The following BEND4 variants were observed in gnomAD, a reference collection of about 807,000 sequenced individuals.
BEND4 encodes the protein BEN domain containing 4.
In BEND4, 27 loss-of-function variants were observed where a neutral mutation model predicts 54.7. That is an observed-to-expected ratio of 0.49 (90% CI 0.36 to 0.68). BEND4 has a LOEUF of 0.68. BEND4 is among the 30% of genes least tolerant of loss of function. The pLI is 0.00. For missense variants in BEND4, 702 were observed against 697.2 expected (o/e 1.01, Z -0.08); for synonymous variants, 327 against 299.5 (o/e 1.09, Z -0.95).
rs774751620 is a variant in BEND4, at chr4:42,151,704, C to T, written c.440G>A (p.Gly147Asp). 8.1e-5 allele frequency: 121 copies of T among 1,502,364 alleles called. No homozygotes were observed. The highest frequency in any genetic ancestry group is 1.8e-4 in the African/African-American group (12 of 68,356). 93.1% of individuals were successfully genotyped at this position (1,502,364 alleles called of 1,614,324 possible). Residue 147 changes from glycine to aspartate, a missense_variant, in exon 2 of 6, where the codon GGC becomes GAC. Transcript: ENST00000502486. ...GCTGTCGCTACCCGTGCCGCCGGTG[C>T]CGGCGGCCGCCGCCGCGCCTGGGCC... is the stretch of plus-strand genomic sequence containing the variant. ...RYGPGAAAAA[G>D]TGGTGSDSAS...
At chr4:42,130,897 A>T (rs1351035478) in intron 3 of BEND4, among the ~76,000 whole-genome samples, 1 of 66,990 alleles carries the variant, frequency 1.5e-5, no homozygotes, top group Non-Finnish European at 2.6e-5. Flanking sequence ...AAAGGAAACG[A>T]GAGATCATGG....
intron 3 of BEND4, among the ~76,000 whole-genome samples, chr4:42,134,530 T>C (rs1182609620): frequency 6.6e-6 from 1 of 152,254 alleles, no homozygotes; most frequent in Non-Finnish European, 1.5e-5. Flanking sequence ...TGTTACAACA[T>C]GCCTAACAGT....
intron 3 of BEND4, among the ~76,000 whole-genome samples, chr4:42,129,520 A>G (rs760685678): frequency 1.1e-4 from 17 of 152,226 alleles, no homozygotes; most frequent in Non-Finnish European, 1.6e-4. Flanking sequence ...GCAAAACAGC[A>G]TGCTACTGGT....
At chr4:42,140,860 G>A (rs1720856028) in intron 3 of BEND4, among the ~76,000 whole-genome samples, 1 of 152,208 alleles carries the variant, frequency 6.6e-6, no homozygotes, top group African/African-American at 2.4e-5. Flanking sequence ...GGCTCCTTTG[G>A]TTATGGTTCT....
Position 42,111,948 on chromosome 4 carries a change from G to T in BEND4, c.*5570C>A, listed in dbSNP as rs1195934310. On this transcript the variant is annotated 3_prime_UTR_variant, in exon 6 of 6. Transcript: ENST00000502486. Reference sequence around the variant, plus strand: ...AAAAAGTTTTCTGGTCTTCATCATAGGATCTTACGTAGGTCAAGCCTTATA... The same window carrying T: ...AAAAAGTTTTCTGGTCTTCATCATATGATCTTACGTAGGTCAAGCCTTATA... 1 of 152,090 alleles carries T rather than the reference G, an allele frequency of 6.6e-6. No homozygotes were observed. Among genetic ancestry groups the T allele is most frequent in the Admixed American group, 6.6e-5 (1 of 15,264 alleles). 9.4% of individuals were successfully genotyped at this position (152,090 alleles called of 1,614,324 possible).
In BEND4 at chr4:42,113,372, G is replaced by A. The variant is rs575803836; in HGVS notation, c.*4146C>T. 1.3e-5 allele frequency: 2 copies of A among 152,324 alleles called. No individual in the cohort carries two copies. The highest frequency in any genetic ancestry group is 2.1e-4 in the South Asian group (1 of 4,820). The allele number at this position is 152,324 out of a possible 1,614,324, so 9.4% of individuals were successfully genotyped here. ...AGGTAGTCAATGGGTATTAGGTTTA[G>A]GTTCTAGAGCATAAATTGAAGGATG... is the stretch of plus-strand genomic sequence containing the variant. On this transcript the variant is annotated 3_prime_UTR_variant, in exon 6 of 6. Coordinates refer to ENST00000502486, the MANE Select transcript of BEND4 (RefSeq NM_207406.4).
In BEND4 at chr4:42,125,594, G is replaced by C. The variant is rs1720243103; in HGVS notation, c.1135C>G (p.Gln379Glu). The C allele has an allele frequency of 6.2e-7, 1 of 1,613,122 alleles. No individual in the cohort carries two copies. Residue 379 changes from glutamine (Q) to glutamate (E), a missense_variant, in exon 4 of 6, where the codon CAG (glutamine) becomes GAG (glutamate). Coordinates refer to ENST00000502486, the MANE Select transcript of BEND4 (RefSeq NM_207406.4). ...NQLLIPQPAD[Q>E]PTEGSKQLLN... Reference sequence around the variant, plus strand: ...TACCAGAGACCTACCTCTGTCGGCTGGTCAGCTGGCTGTGGTATCAGGAGT... The same window carrying C: ...TACCAGAGACCTACCTCTGTCGGCTCGTCAGCTGGCTGTGGTATCAGGAGT...
At chr4:42,134,051 G>A (rs2153146200) in intron 3 of BEND4, among the ~76,000 whole-genome samples, 1 of 152,332 alleles carries the variant, frequency 6.6e-6, no homozygotes, top group South Asian at 2.1e-4. Flanking sequence ...GTGCTGTCTT[G>A]TATGAGCAGC....
intron 2 of BEND4, 34 bp from the exon 3 acceptor site, chr4:42,144,028 C>A (rs1428656737): frequency 6.8e-7 from 1 of 1,467,026 alleles, no homozygotes; most frequent in South Asian, 1.2e-5. Flanking sequence ...CAGTGACCAA[C>A]AGCCAACGGC....
chr4:42,147,688 G>A (rs1487945900), intron 2 of BEND4, among the ~76,000 whole-genome samples: 1 of 151,926 alleles, frequency 6.6e-6, no homozygotes, highest in African/African-American at 2.4e-5. Flanking sequence ...GCAGCCTACT[G>A]GGAGATAATA....
At position 42,151,899 on chromosome 4, in the gene BEND4, G is replaced by A. The variant is rs1721306722; in HGVS notation, c.245C>T (p.Ala82Val). 1.6e-6 allele frequency: 2 copies of A among 1,268,128 alleles called. No homozygotes were observed. Among genetic ancestry groups the A allele is most frequent in the Non-Finnish European group, 2.0e-6 (2 of 1,011,834 alleles). The allele number at this position is 1,268,128 out of a possible 1,614,324, so 78.6% of individuals were successfully genotyped here. A position where few individuals can be genotyped will look rare whatever the true frequency, so the allele number is the denominator to read the frequency against. ...SSEPPPQQFQAQSSYPPGPGR... is the reference protein window; with the variant it reads ...SSEPPPQQFQVQSSYPPGPGR... ...GGGCCCGGGGGGGTAGGAGCTCTGC[G>A]CCTGGAACTGCTGCGGCGGCGGCTC... The change falls in exon 2 of 6, where the codon GCG (alanine) becomes GTG (valine). Residue 82 changes from alanine to valine, a missense_variant. Transcript: ENST00000502486.
At chr4:42,134,176 T>C (rs1349287767) in intron 3 of BEND4, among the ~76,000 whole-genome samples, 1 of 152,230 alleles carries the variant, frequency 6.6e-6, no homozygotes, top group Non-Finnish European at 1.5e-5. Flanking sequence ...CTAATTTTCA[T>C]TGCATTAAAA....
In BEND4 at chr4:42,125,597, C is replaced by G. The variant is rs775683984; in HGVS notation, c.1132G>C (p.Asp378His). 1 of 1,613,670 alleles carries G rather than the reference C, an allele frequency of 6.2e-7. No individual in the cohort carries two copies. Among genetic ancestry groups the G allele is most frequent in the South Asian group, 1.1e-5 (1 of 91,040 alleles). ...CAGAGACCTACCTCTGTCGGCTGGT[C>G]AGCTGGCTGTGGTATCAGGAGTTGG... ...HNQLLIPQPA[D>H]QPTEGSKQLL... Residue 378 changes from aspartate (D) to histidine (H), a missense_variant, in exon 4 of 6, where the codon GAC becomes CAC. Coordinates refer to ENST00000502486, the MANE Select transcript of BEND4 (RefSeq NM_207406.4).
At chr4:42,119,715 A>G (rs1719986609) in intron 5 of BEND4, among the ~76,000 whole-genome samples, 1 of 152,174 alleles carries the variant, frequency 6.6e-6, no homozygotes, top group Non-Finnish European at 1.5e-5. Context: ...TACCCATTAA[A>G]AAAATTTTCC....
intron 3 of BEND4, 50 bp downstream of exon 3, chr4:42,143,378 G>C: frequency 7.2e-7 from 1 of 1,395,478 alleles, no homozygotes; most frequent in South Asian, 1.2e-5. Context: ...GATGAGACAA[G>C]TGAAAGAAAG....
chr4:42,137,830 G>A (rs1007111293), intron 3 of BEND4, among the ~76,000 whole-genome samples: 1 of 152,054 alleles, frequency 6.6e-6, no homozygotes, highest in African/African-American at 2.4e-5. Flanking sequence ...ATACCAACAC[G>A]TATATAAAAA....
chr4:42,150,251 C>T (rs1358299932), intron 2 of BEND4, among the ~76,000 whole-genome samples: 6 of 151,958 alleles, frequency 3.9e-5, no homozygotes, highest in Non-Finnish European at 8.8e-5. Flanking sequence ...AGCCAACTGC[C>T]TAACAAAGAA....
At chr4:42,148,515 T>C (rs1438325090) in intron 2 of BEND4, among the ~76,000 whole-genome samples, 1 of 152,242 alleles carries the variant, frequency 6.6e-6, no homozygotes, top group Non-Finnish European at 1.5e-5. Context: ...AAGCACATAC[T>C]ATAACAGGCA....
At position 42,111,224 on chromosome 4, in the gene BEND4, C is replaced by T. The variant is rs13756; in HGVS notation, c.*6294G>A. ...TCTATATTACACTATGCATTTGTAG[C>T]TTTATTAACATATCCCTAGTGGGTA... On this transcript the variant is annotated 3_prime_UTR_variant, in exon 6 of 6. Transcript: ENST00000502486. 61,707 of 152,128 alleles carry T rather than the reference C, an allele frequency of 0.41. 18,018 individuals are homozygous for T. Among genetic ancestry groups the T allele is most frequent in the African/African-American group, 0.83 (34,584 of 41,524 alleles). The allele number at this position is 152,128 out of a possible 1,614,324, so 9.4% of individuals were successfully genotyped here.
Sources: gnomAD v4.1 joint callset for allele counts (sites outside exome capture counted in the v4.1 genomes callset) on GRCh38, gnomAD v4.1.1 for gene constraint, MANE v1.5 for transcripts, NCBI Gene and HGNC (gene_info 2026-07-23, HGNC 2026-07-21) for gene names.